EIF4B: variants seen among roughly 807,000 people sequenced by gnomAD.
The protein encoded by EIF4B is eukaryotic translation initiation factor 4B.
In EIF4B, 8 loss-of-function variants were observed where a neutral mutation model predicts 79.3. That is an observed-to-expected ratio of 0.10 (90% CI 0.06 to 0.18). The LOEUF is 0.18. Ranked by LOEUF, EIF4B falls within the 10% of genes least tolerant of loss-of-function variation. The pLI, the probability that EIF4B is intolerant of heterozygous loss-of-function variation, is 1.00. For missense variants in EIF4B, 515 were observed against 792.4 expected (o/e 0.65, Z 4.20); for synonymous variants, 238 against 274.7 (o/e 0.87, Z 1.32).
chr12:53,022,425 ATGTG>A, intron 5 of EIF4B, 64 bp from the exon 6 acceptor site: 6 of 1,597,400 alleles, frequency 3.8e-6, no homozygotes, highest in Non-Finnish European at 4.3e-6. Flanking sequence ...GGGGTTTTCT[ATGTG>A]TGAGAAATAT....
chr12:53,037,692 TCTC>T (rs1445189445), intron 11 of EIF4B, 70 bp downstream of exon 11: 3 of 1,541,690 alleles, frequency 1.9e-6, no homozygotes, highest in African/African-American at 1.4e-5. Context: ...TGATGGAAGA[TCTC>T]CTACGGGATG....
rs1009995608 is a variant in EIF4B, at chr12:53,029,223, C to T, written c.979+1035C>T. 2.6e-5 allele frequency among the ~76,000 whole-genome samples: 4 copies of T among 152,042 alleles called. No individual in the cohort carries two copies. In the East Asian group the frequency reaches 7.7e-4, roughly 29 times the overall value. On this transcript the variant is annotated intron_variant, in intron 8 of 14. Transcript: ENST00000262056. The stretch of plus-strand genomic sequence containing the variant: ...GTGCACCTATTCTAAAATTATGCCC[C>T]TAATACTATAAGATATAAAATGTAA...
intron 8 of EIF4B, 138 bp downstream of exon 8, chr12:53,028,326 A>G: frequency 2.5e-6 from 3 of 1,220,122 alleles, no homozygotes; most frequent in Non-Finnish European, 3.3e-6. Context: ...GCATAGTAGA[A>G]AGAGCATTGG....
At chr12:53,014,762 C>T (rs1281008221) in intron 1 of EIF4B, 2 of 152,162 alleles carry the variant, frequency 1.3e-5, no homozygotes, top group African/African-American at 4.8e-5. Flanking sequence ...AATCAGGTGA[C>T]AATTGGAACA....
chr12:53,034,070 C>G (rs570493688), intron 9 of EIF4B, 36 bp downstream of exon 9: 2 of 1,568,288 alleles, frequency 1.3e-6, no homozygotes, highest in East Asian at 2.3e-5. Flanking sequence ...TCTAGGAATC[C>G]GGTGGTTCGT....
chr12:53,035,685 T>C (rs1335177732), intron 10 of EIF4B, among the ~76,000 whole-genome samples: 1 of 151,614 alleles, frequency 6.6e-6, no homozygotes, highest in East Asian at 2.0e-4. Context: ...AGCTAAAATT[T>C]TGTAGAGATG....
At chr12:53,031,283 T>G (rs963060479) in intron 8 of EIF4B, among the ~76,000 whole-genome samples, 2 of 152,192 alleles carry the variant, frequency 1.3e-5, no homozygotes, top group African/African-American at 2.4e-5. Context: ...AGCCTTTACT[T>G]TTTTCTTCTT....
At chr12:53,034,956 C>CTTTTTT (rs72498436) in intron 10 of EIF4B, among the ~76,000 whole-genome samples, 1 of 90,152 alleles carries the variant, frequency 1.1e-5, no homozygotes. Flanking sequence ...TTGTCTCTCT[C>CTTTTTT]TTTTTTTTTT....
rs763524504 is a variant in EIF4B at position 53,034,020 on chromosome 12, A to C, written c.1194A>C (p.Arg398=). 2.5e-6 allele frequency: 4 copies of C among 1,611,758 alleles called. No homozygotes were observed. The East Asian group carries it at 8.9e-5, about 36-fold the overall frequency. The change falls in exon 9 of 15, where the codon CGA becomes CGC. Residue 398 remains arginine, a synonymous_variant. Coordinates refer to ENST00000262056, the MANE Select transcript of EIF4B (RefSeq NM_001417.7). ...AGCTGGATGAGCCAAAACTAGAACG[A>C]CGGCCTCGGGAGAGGTGTGTTGTCT... ...QRQLDEPKLE[R]RPRERHPSWR... is the part of the protein sequence containing the mutation.
rs1473540940 is a variant in EIF4B at position 53,040,038 on chromosome 12, AT to A, written c.1756-104del. 2.3e-6 allele frequency: 3 copies of A among 1,312,228 alleles called. No individual in the cohort carries two copies. The East Asian group carries it at 7.1e-5, about 31-fold the overall frequency. 81.3% of individuals were successfully genotyped at this position (1,312,228 alleles called of 1,614,324 possible). The stretch of plus-strand genomic sequence containing the variant: ...GCTGATGAGCAAGCAAGTGGGTGTC[AT>A]CTGACTGTCATCCCCCATTGCCAAA... On this transcript the variant is annotated intron_variant, in intron 14 of 14. Coordinates refer to ENST00000262056, the MANE Select transcript of EIF4B (RefSeq NM_001417.7).
At chr12:53,012,197 A>G (rs1943075266) in intron 1 of EIF4B, 1 of 152,228 alleles carries the variant, frequency 6.6e-6, no homozygotes, top group Non-Finnish European at 1.5e-5. Flanking sequence ...TGACTGAGTC[A>G]GTGCTGCTGC....
In EIF4B at chr12:53,023,497, C is replaced by T. The variant is rs1404672006; in HGVS notation, c.667+870C>T. 2.0e-5 allele frequency among the ~76,000 whole-genome samples: 3 copies of T among 152,046 alleles called. No homozygotes were observed. In the South Asian group the frequency reaches 6.2e-4, roughly 31 times the overall value. ...CCGCCCGCCTTGGCCTCCCAAAGTG[C>T]TGGGATTACAGGCGTGAGCCACTGC... On this transcript the variant is annotated intron_variant, in intron 6 of 14. Transcript: ENST00000262056.
At chr12:53,034,535 C>T in intron 9 of EIF4B, 77 bp from the exon 10 acceptor site, 1 of 1,358,574 alleles carries the variant, frequency 7.4e-7, no homozygotes, top group Admixed American at 1.7e-5. Flanking sequence ...AGTGATGGTT[C>T]TTGAGGGGTC....
intron 1 of EIF4B, among the ~76,000 whole-genome samples, chr12:53,016,213 A>G (rs557744908): frequency 2.0e-5 from 3 of 152,290 alleles, no homozygotes; most frequent in South Asian, 4.1e-4. Flanking sequence ...CCACACTCCA[A>G]ACATACTCTC....
At chr12:53,019,450 C>CTTTTTCTT (rs1943208582) in intron 3 of EIF4B, among the ~76,000 whole-genome samples, 2 of 66,004 alleles carry the variant, frequency 3.0e-5, no homozygotes, top group Admixed American at 2.1e-4. Context: ...TTTTTTTTTT[C>CTTTTTCTT]TTTTTTTTTT....
Position 53,041,977 on chromosome 12 carries a change from A to G in EIF4B, c.*1754A>G, listed in dbSNP as rs947311022. 6.6e-5 allele frequency: 10 copies of G among 152,648 alleles called. No homozygotes were observed. The highest frequency in any genetic ancestry group is 2.4e-4 in the African/African-American group (10 of 41,448). 9.5% of individuals were successfully genotyped at this position (152,648 alleles called of 1,614,324 possible). ...ATGTCTACTCTCCTTCCAAATAGTT[A>G]TATCCAAAACTGTTTTTCCCTCTCC... On this transcript the variant is annotated 3_prime_UTR_variant, in exon 15 of 15. Transcript: ENST00000262056.
At chr12:53,021,958 G>T in intron 5 of EIF4B, 98 bp downstream of exon 5, 1 of 1,408,542 alleles carries the variant, frequency 7.1e-7, no homozygotes, top group Admixed American at 1.8e-5. Flanking sequence ...TGGTGGGCCT[G>T]CCTGAATCTA....
Position 53,033,971 on chromosome 12 carries a change from A to C in EIF4B, c.1145A>C (p.Lys382Thr). Residue 382 changes from lysine (K) to threonine (T), a missense_variant, in exon 9 of 15, where the codon AAG (lysine) becomes ACG (threonine). Physicochemically the swap from Lys to Thr is moderately conservative, Grantham distance 78. Around this residue, in one of 6 missense-constraint regions of EIF4B, gnomAD observed 146 missense variants for 228.0 expected, o/e 0.64. Transcript: ENST00000262056. The part of the protein sequence containing the change: ...REREVEERLQ[K>T]EQEKLQRQLD... ...AGAGAAGTAGAAGAACGGCTACAGAAGGAACAAGAGAAGTTGCAGCGTCAG... is the reference window on the plus strand; with the variant it reads ...AGAGAAGTAGAAGAACGGCTACAGACGGAACAAGAGAAGTTGCAGCGTCAG... 1 of 1,614,072 alleles carries C rather than the reference A, an allele frequency of 6.2e-7. No homozygotes were observed.
chr12:53,022,117 A>T (rs980902195), intron 5 of EIF4B: 1 of 639,626 alleles, frequency 1.6e-6, no homozygotes, highest in African/African-American at 1.8e-5. Flanking sequence ...CCCATCAACA[A>T]AGAATTATGC....
Sources: gnomAD v4.1 joint callset for allele counts (sites outside exome capture counted in the v4.1 genomes callset) on GRCh38, gnomAD v4.1.1 for gene constraint, gnomAD v4.1.1 regional missense constraint, MANE v1.5 for transcripts, NCBI Gene and HGNC (gene_info 2026-07-23, HGNC 2026-07-21) for gene names.